PPP2R5A: variants seen among roughly 807,000 people sequenced by gnomAD.
PPP2R5A encodes the protein protein phosphatase 2 regulatory subunit B'alpha, also known as serine/threonine-protein phosphatase 2A 56 kDa regulatory subunit alpha isoform.
Under a neutral mutation model 64.2 loss-of-function variants are expected in PPP2R5A, and 25 were observed. That is an observed-to-expected ratio of 0.39 (90% CI 0.28 to 0.54). The LOEUF (loss-of-function observed/expected upper bound fraction) is 0.54, where lower values mean the gene tolerates loss of function less well. Among genes scored for constraint, PPP2R5A ranks in the 20% least tolerant of loss-of-function variants. The pLI, the probability that PPP2R5A is intolerant of heterozygous loss-of-function variation, is 0.67. For synonymous variants in PPP2R5A, 198 were observed against 201.2 expected (o/e 0.98, Z 0.13); for missense variants, 425 against 576.3 (o/e 0.74, Z 2.69).
chr1:212,318,542 A>G (rs1375126336), intron 1 of PPP2R5A, among the ~76,000 whole-genome samples: 2 of 152,216 alleles, frequency 1.3e-5, no homozygotes, highest in African/African-American at 4.8e-5. Flanking sequence ...GAGGCAACAA[A>G]AAGACTTAAG....
intron 12 of PPP2R5A, 85 bp from the exon 13 acceptor site, chr1:212,360,553 T>C: frequency 8.5e-7 from 1 of 1,181,648 alleles, no homozygotes; most frequent in South Asian, 1.8e-5. Flanking sequence ...GGGTAAGTAA[T>C]GTGTTCTCCA....
At chr1:212,349,402 G>T (rs1318115279) in intron 8 of PPP2R5A, among the ~76,000 whole-genome samples, 160 bp downstream of exon 8, 1 of 152,092 alleles carries the variant, frequency 6.6e-6, no homozygotes, top group Non-Finnish European at 1.5e-5. Flanking sequence ...AAAAGAAGGG[G>T]TTAGGAGGGG....
chr1:212,338,339 A>G (rs771431133), intron 3 of PPP2R5A, among the ~76,000 whole-genome samples: 3 of 152,236 alleles, frequency 2.0e-5, no homozygotes, highest in East Asian at 1.9e-4. Flanking sequence ...AGGACTAGCC[A>G]TACATTGAAC....
intron 5 of PPP2R5A, among the ~76,000 whole-genome samples, chr1:212,347,047 C>A (rs934761731): frequency 2.6e-5 from 4 of 151,998 alleles, no homozygotes; most frequent in Admixed American, 2.6e-4. Context: ...AAAAGTATTT[C>A]TTTGAGGAAA....
intron 1 of PPP2R5A, among the ~76,000 whole-genome samples, chr1:212,319,994 C>A (rs930476490): frequency 1.4e-5 from 2 of 138,836 alleles, no homozygotes; most frequent in African/African-American, 5.5e-5. Flanking sequence ...GTGTTTCTCG[C>A]AGAGGGGGAT....
chr1:212,333,523 T>C lies in PPP2R5A; in HGVS notation c.405T>C (p.Leu135=). Reference sequence around the variant, plus strand: ...TCAGTGCTAACATCTTCCGTACACTTCCTCCAAGTGATAATCCAGATTTTG... The same window carrying C: ...TCAGTGCTAACATCTTCCGTACACTCCCTCCAAGTGATAATCCAGATTTTG... The part of the protein sequence containing the change: ...KMISANIFRT[L]PPSDNPDFDP... The change falls in exon 3 of 13, where the codon CTT becomes CTC. Residue 135 remains leucine, a synonymous_variant. Coordinates refer to ENST00000261461, the MANE Select transcript of PPP2R5A (RefSeq NM_006243.4). The C allele has an allele frequency of 6.3e-7, 1 of 1,599,084 alleles. No individual in the cohort carries two copies. Among genetic ancestry groups the C allele is most frequent in the Non-Finnish European group, 8.5e-7 (1 of 1,171,242 alleles).
chr1:212,307,460 T>C lies in PPP2R5A; in HGVS notation c.181+21169T>C, dbSNP rs117418303. Among the ~76,000 whole-genome samples the C allele has an allele frequency of 1.8e-3, 273 of 152,298 alleles. 5 individuals carry two copies. In the East Asian group the frequency reaches 0.045, roughly 25 times the overall value. On this transcript the variant is annotated intron_variant, in intron 1 of 12. Coordinates refer to ENST00000261461, the MANE Select transcript of PPP2R5A (RefSeq NM_006243.4). ...TTACAACCCCGAGAATATATTGTTA[T>C]AATTATTACTTTACCATCAGTAGTT...
At chr1:212,328,926 A>G (rs993154185) in intron 1 of PPP2R5A, among the ~76,000 whole-genome samples, 8 of 152,166 alleles carry the variant, frequency 5.3e-5, no homozygotes, top group Non-Finnish European at 7.4e-5. Context: ...TTCTTTAAAA[A>G]AATTTTTTTA....
chr1:212,286,917 T>A (rs1005325121), intron 1 of PPP2R5A, among the ~76,000 whole-genome samples: 2 of 152,250 alleles, frequency 1.3e-5, no homozygotes, highest in African/African-American at 4.8e-5. Flanking sequence ...GATCGTTAGC[T>A]TTAAATGGTA....
chr1:212,316,587 CTTT>C (rs751228809), intron 1 of PPP2R5A, among the ~76,000 whole-genome samples: 65 of 36,692 alleles, frequency 1.8e-3, no homozygotes, highest in East Asian at 0.014. Context: ...TTGTGGGTGA[CTTT>C]TTTTTTTTTT....
At chr1:212,347,248 A>G (rs1659798675) in intron 5 of PPP2R5A, 99 bp from the exon 6 acceptor site, 3 of 831,948 alleles carry the variant, frequency 3.6e-6, no homozygotes, top group Non-Finnish European at 5.8e-6. Context: ...TGTGTTTCTA[A>G]TAGCTGTCCT....
chr1:212,319,423 C>T (rs535826539), intron 1 of PPP2R5A: 23 of 152,248 alleles, frequency 1.5e-4, no homozygotes, highest in African/African-American at 4.8e-4. Context: ...TCAGAATGGA[C>T]GTTATCATCC....
At chr1:212,307,949 A>G (rs1043103890) in intron 1 of PPP2R5A, among the ~76,000 whole-genome samples, 2 of 152,028 alleles carry the variant, frequency 1.3e-5, no homozygotes, top group Admixed American at 6.6e-5. Context: ...AGCTCAAGTT[A>G]TCTTCTTGCC....
In PPP2R5A at chr1:212,286,009, C is replaced by T. The variant is rs1558135553; in HGVS notation, c.-102C>T. 3 of 1,241,636 alleles carry T rather than the reference C, an allele frequency of 2.4e-6. No homozygotes were observed. The highest frequency in any genetic ancestry group is 3.2e-5 in the African/African-American group (2 of 62,524). 76.9% of individuals were successfully genotyped at this position (1,241,636 alleles called of 1,614,324 possible). A position where few individuals can be genotyped will look rare whatever the true frequency, so the allele number is the denominator to read the frequency against. On this transcript the variant is annotated 5_prime_UTR_variant, in exon 1 of 13. Transcript: ENST00000261461. ...GGGCCGTGGGGCCGGGGCGCAGGGGCGCGAGCACCCCGCGCCTCTCCCCCG... is the reference window on the plus strand; with the variant it reads ...GGGCCGTGGGGCCGGGGCGCAGGGGTGCGAGCACCCCGCGCCTCTCCCCCG...
intron 1 of PPP2R5A, among the ~76,000 whole-genome samples, chr1:212,306,484 C>T (rs1658906366): frequency 6.6e-6 from 1 of 152,034 alleles, no homozygotes; most frequent in Admixed American, 6.6e-5. Context: ...ATATATATAT[C>T]TATTTAAGAT....
intron 1 of PPP2R5A, among the ~76,000 whole-genome samples, chr1:212,320,160 C>T (rs1659243394): frequency 6.6e-6 from 1 of 151,738 alleles, no homozygotes; most frequent in Non-Finnish European, 1.5e-5. Flanking sequence ...AACGAGCATG[C>T]TGCCTTCAAG....
chr1:212,333,578 G>A lies in PPP2R5A; in HGVS notation c.460G>A (p.Ala154Thr), dbSNP rs1481912761. ...DPEEDEPTLE[A>T]SWPHIQLVYE... is the part of the protein sequence containing the mutation. ...AGAAGAGGATGAACCCACGCTTGAG[G>A]CCTCTTGGCCTCACATACAGGTATG... Residue 154 changes from alanine (A) to threonine (T), a missense_variant, in exon 3 of 13, where the codon GCC (alanine) becomes ACC (threonine). This residue lies in a region of PPP2R5A where 140 missense variants were observed against 204.4 expected (regional missense o/e 0.68). Coordinates refer to ENST00000261461, the MANE Select transcript of PPP2R5A (RefSeq NM_006243.4). 6.4e-7 allele frequency: 1 copy of A among 1,558,040 alleles called. No individual in the cohort carries two copies.
At chr1:212,296,113 T>A (rs1042414902) in intron 1 of PPP2R5A, among the ~76,000 whole-genome samples, 1 of 151,648 alleles carries the variant, frequency 6.6e-6, no homozygotes, top group Non-Finnish European at 1.5e-5. Context: ...ATGAATTGTT[T>A]GGGAGGAGAT....
At position 212,285,918 on chromosome 1, in the gene PPP2R5A, G is replaced by A; in HGVS notation, c.-193G>A. 2.0e-6 allele frequency: 1 copy of A among 489,682 alleles called. No homozygotes were observed. Among genetic ancestry groups the A allele is most frequent in the Non-Finnish European group, 3.3e-6 (1 of 299,234 alleles). The allele number at this position is 489,682 out of a possible 1,614,324, so 30.3% of individuals were successfully genotyped here. On this transcript the variant is annotated 5_prime_UTR_variant, in exon 1 of 13. Coordinates refer to ENST00000261461, the MANE Select transcript of PPP2R5A (RefSeq NM_006243.4). ...GCGCCGGGGACCAGGAACCTCCAGCGCTGAGATGTGGCCGTGAGGCGTTGG... is the reference window on the plus strand; with the variant it reads ...GCGCCGGGGACCAGGAACCTCCAGCACTGAGATGTGGCCGTGAGGCGTTGG...
Sources: gnomAD v4.1 joint callset for allele counts (sites outside exome capture counted in the v4.1 genomes callset) on GRCh38, gnomAD v4.1.1 for gene constraint, gnomAD v4.1.1 regional missense constraint, MANE v1.5 for transcripts, NCBI Gene and HGNC (gene_info 2026-07-23, HGNC 2026-07-21) for gene names.